The following PIBF1 variants were observed in gnomAD, a reference collection of about 807,000 sequenced individuals.
The protein encoded by PIBF1 is progesterone-induced-blocking factor 1.
Under a neutral mutation model 112.5 loss-of-function variants are expected in PIBF1, and 90 were observed. The observed-to-expected ratio is 0.80, with a 90% CI of 0.67 to 0.95. PIBF1 has a LOEUF of 0.95. PIBF1 is among the 40% of genes least tolerant of loss of function. The pLI is 0.00. For synonymous variants in PIBF1, 301 were observed against 288.6 expected, an observed-to-expected ratio of 1.04 and a Z score of -0.44; for missense variants, 915 against 852.3, an observed-to-expected ratio of 1.07 and a Z score of -0.92.
intron 10 of PIBF1, among the ~76,000 whole-genome samples, chr13:72,875,315 C>A (rs1279817619): frequency 6.6e-6 from 1 of 152,140 alleles, no homozygotes; most frequent in African/African-American, 2.4e-5. Flanking sequence ...TGAAGGACAT[C>A]TTGTTTGCTT....
At chr13:72,955,520 G>A (rs965193750) in intron 14 of PIBF1, among the ~76,000 whole-genome samples, 3 of 151,844 alleles carry the variant, frequency 2.0e-5, no homozygotes, top group African/African-American at 2.4e-5. Context: ...TTTACCTGCC[G>A]GTTGTTCCTC....
chr13:72,874,336 A>C (rs1210500451), intron 10 of PIBF1, among the ~76,000 whole-genome samples: 1 of 152,218 alleles, frequency 6.6e-6, no homozygotes, highest in Non-Finnish European at 1.5e-5. Flanking sequence ...AATGTCCCCA[A>C]GCTGAAACAA....
intron 17 of PIBF1, among the ~76,000 whole-genome samples, chr13:73,011,420 T>A (rs2044199021): frequency 6.7e-6 from 1 of 149,526 alleles, no homozygotes; most frequent in Non-Finnish European, 1.5e-5. Flanking sequence ...CCCTTCCGTT[T>A]CCAGCAGTGG....
chr13:72,997,434 G>A (rs2043714181), intron 16 of PIBF1, among the ~76,000 whole-genome samples: 1 of 152,192 alleles, frequency 6.6e-6, no homozygotes, highest in Non-Finnish European at 1.5e-5. Context: ...GCAAGTATAT[G>A]CATTCTCATG....
chr13:72,982,152 A>G (rs540687639), intron 16 of PIBF1, among the ~76,000 whole-genome samples: 126 of 152,228 alleles, frequency 8.3e-4, no homozygotes, highest in East Asian at 1.9e-3. Context: ...ATTATCTATC[A>G]TTTGAGACTG....
At chr13:72,824,766 A>T (rs1480272154) in intron 6 of PIBF1, among the ~76,000 whole-genome samples, 1 of 152,214 alleles carries the variant, frequency 6.6e-6, no homozygotes, top group Non-Finnish European at 1.5e-5. Context: ...GGGCAAAAGG[A>T]TACCTTTATA....
At position 72,835,257 on chromosome 13, in the gene PIBF1, CAG is replaced by C; in HGVS notation, c.1114_1115del (p.Glu372IlefsTer2). ...ACTCCTTGCAGAGACCATTATAAAACAGAATATGAAAATAAACTACATGATGA... is the reference window on the plus strand; with the variant it reads ...ACTCCTTGCAGAGACCATTATAAAACAATATGAAAATAAACTACATGATGA... On this transcript the variant is annotated frameshift_variant, in exon 9 of 18. Coordinates refer to ENST00000326291, the MANE Select transcript of PIBF1 (RefSeq NM_006346.4). LOFTEE classifies it high-confidence loss of function. The C allele has an allele frequency of 1.3e-6, 2 of 1,563,638 alleles. No individual in the cohort carries two copies. The highest frequency in any genetic ancestry group is 1.7e-6 in the Non-Finnish European group (2 of 1,162,086).
intron 16 of PIBF1, among the ~76,000 whole-genome samples, chr13:72,995,602 T>C (rs1446487443): frequency 6.6e-6 from 1 of 152,178 alleles, no homozygotes; most frequent in African/African-American, 2.4e-5. Flanking sequence ...GTTGTATTCA[T>C]ATGTTTTACC....
At chr13:72,931,386 C>T (rs1001846719) in intron 14 of PIBF1, 119 bp downstream of exon 14, 6 of 725,274 alleles carry the variant, frequency 8.3e-6, no homozygotes, top group African/African-American at 1.8e-5. Context: ...AATGATTTCA[C>T]AATTTATGAA....
chr13:73,009,633 G>C (rs2044136629), intron 17 of PIBF1, among the ~76,000 whole-genome samples: 1 of 152,204 alleles, frequency 6.6e-6, no homozygotes, highest in Non-Finnish European at 1.5e-5. Flanking sequence ...GTTAGAACAT[G>C]ACAGTGATGG....
chr13:72,807,203 A>C (rs2035783413), intron 5 of PIBF1, among the ~76,000 whole-genome samples: 1 of 151,930 alleles, frequency 6.6e-6, no homozygotes, highest in Admixed American at 6.6e-5. Context: ...AATAAAAAGA[A>C]CTAAATGAAA....
chr13:72,916,509 T>C (rs2041101312), intron 12 of PIBF1, among the ~76,000 whole-genome samples: 1 of 151,796 alleles, frequency 6.6e-6, no homozygotes, highest in Non-Finnish European at 1.5e-5. Context: ...TTTTGGGAAG[T>C]AGTGTGACAA....
Position 72,956,822 on chromosome 13 carries a change from G to A in PIBF1, c.1834-8452G>A, listed in dbSNP as rs142408410. ...TAAGAATCATCAAAAATTCTAGCTG[G>A]AAGAAAAAAACCCCATCAAAAAGTG... On this transcript the variant is annotated intron_variant, in intron 14 of 17. Transcript: ENST00000326291. Among the ~76,000 whole-genome samples, 22 of 151,960 alleles carry A rather than the reference G, an allele frequency of 1.4e-4. 1 individual carries two copies. Among genetic ancestry groups the A allele is most frequent in the African/African-American group, 5.3e-4 (22 of 41,454 alleles).
At chr13:73,011,385 T>A (rs928601886) in intron 17 of PIBF1, among the ~76,000 whole-genome samples, 12 of 152,148 alleles carry the variant, frequency 7.9e-5, no homozygotes, top group Non-Finnish European at 1.3e-4. Context: ...ACCTAGTTCT[T>A]ACAGTAAATA....
chr13:72,847,983 C>T (rs1028908627), intron 9 of PIBF1, among the ~76,000 whole-genome samples: 1 of 152,166 alleles, frequency 6.6e-6, no homozygotes, highest in Non-Finnish European at 1.5e-5. Flanking sequence ...CTATTTTAAT[C>T]CTTTGTTGTT....
At chr13:72,905,868 C>A (rs1410801245) in intron 11 of PIBF1, among the ~76,000 whole-genome samples, 1 of 152,118 alleles carries the variant, frequency 6.6e-6, no homozygotes, top group East Asian at 1.9e-4. Flanking sequence ...TCTAAAGATT[C>A]TGGTTGTTAA....
At chr13:73,015,435 G>T (rs1360761620) in intron 17 of PIBF1, among the ~76,000 whole-genome samples, 3 of 152,158 alleles carry the variant, frequency 2.0e-5, no homozygotes, top group African/African-American at 7.2e-5. Context: ...AAGTACTCTG[G>T]TAAATACTTA....
intron 10 of PIBF1, among the ~76,000 whole-genome samples, chr13:72,871,445 A>G (rs1163646144): frequency 6.6e-6 from 1 of 152,054 alleles, no homozygotes; most frequent in African/African-American, 2.4e-5. Flanking sequence ...AGCTGGGATT[A>G]CAGGTGCCCA....
intron 16 of PIBF1, among the ~76,000 whole-genome samples, chr13:72,977,879 A>G (rs549475101): frequency 3.3e-5 from 5 of 152,294 alleles, no homozygotes; most frequent in African/African-American, 7.2e-5. Flanking sequence ...AAATATATTC[A>G]ACAACTAATT....
Sources: gnomAD v4.1 joint callset for allele counts (sites outside exome capture counted in the v4.1 genomes callset) on GRCh38, gnomAD v4.1.1 for gene constraint, MANE v1.5 for transcripts, NCBI Gene and HGNC (gene_info 2026-07-23, HGNC 2026-07-21) for gene names.